DAPP1: variants seen among roughly 807,000 people sequenced by gnomAD.
The protein encoded by DAPP1 is dual adapter for phosphotyrosine and 3-phosphotyrosine and 3-phosphoinositide.
Under a neutral mutation model 41.5 loss-of-function variants are expected in DAPP1, and 20 were observed. That is an observed-to-expected ratio of 0.48 (90% CI 0.34 to 0.70). DAPP1 has a LOEUF of 0.70. Ranked by LOEUF, DAPP1 falls within the 30% of genes least tolerant of loss-of-function variation. DAPP1 has a pLI of 0.01. For synonymous variants in DAPP1, 113 were observed against 116.2 expected (o/e 0.97, Z 0.18); for missense variants, 233 against 333.4 (o/e 0.70, Z 2.35).
At chr4:99,818,317 G>A (rs991458056) in intron 1 of DAPP1, among the ~76,000 whole-genome samples, 2 of 152,156 alleles carry the variant, frequency 1.3e-5, no homozygotes, top group Non-Finnish European at 2.9e-5. Flanking sequence ...GTGTCACCAA[G>A]TCCAAAAGCT....
intron 4 of DAPP1, among the ~76,000 whole-genome samples, chr4:99,853,587 C>G (rs1723944331): frequency 6.6e-6 from 1 of 152,102 alleles, no homozygotes; most frequent in South Asian, 2.1e-4. Flanking sequence ...TTTGGGAGGC[C>G]AAGGTAAGAG....
intron 3 of DAPP1, chr4:99,844,559 C>CA (rs1301122970): frequency 6.6e-6 from 1 of 152,052 alleles, no homozygotes; most frequent in African/African-American, 2.4e-5. Context: ...ATGATTAGAA[C>CA]AAAAAATTAC....
At chr4:99,848,254 G>T (rs575055859) in intron 3 of DAPP1, among the ~76,000 whole-genome samples, 2 of 149,474 alleles carry the variant, frequency 1.3e-5, no homozygotes, top group East Asian at 4.0e-4. Flanking sequence ...TTGTGATGGG[G>T]TCTCACTCTG....
chr4:99,847,828 G>A (rs1282882428), intron 3 of DAPP1, among the ~76,000 whole-genome samples: 1 of 146,724 alleles, frequency 6.8e-6, no homozygotes, highest in Non-Finnish European at 1.5e-5. Flanking sequence ...TTGTTTGTTT[G>A]TTTTGAGACA....
chr4:99,865,997 T>G, intron 7 of DAPP1, 37 bp from the exon 8 acceptor site: 1 of 392,756 alleles, frequency 2.5e-6, no homozygotes, highest in Non-Finnish European at 4.6e-6. Context: ...TAGCTAATGA[T>G]CTGCAATATC....
chr4:99,832,422 AG>A (rs1723157587), intron 1 of DAPP1, among the ~76,000 whole-genome samples: 1 of 152,242 alleles, frequency 6.6e-6, no homozygotes. Context: ...CTCAATTAAA[AG>A]GGGAAGTTTA....
chr4:99,822,089 A>T lies in DAPP1; in HGVS notation c.101+5075A>T, dbSNP rs1722792032. On this transcript the variant is annotated intron_variant, in intron 1 of 8. Coordinates refer to ENST00000512369, the MANE Select transcript of DAPP1 (RefSeq NM_014395.3). ...GAAGGTGGTTCTTCTGTGGTTGTAT[A>T]ATTAGTATGTAACTAGTGTACAGTT... 2.0e-5 allele frequency among the ~76,000 whole-genome samples: 3 copies of T among 152,120 alleles called. No homozygotes were observed. The South Asian group carries it at 6.2e-4, about 32-fold the overall frequency.
chr4:99,866,202 T>C, intron 8 of DAPP1, 81 bp downstream of exon 8: 1 of 802,006 alleles, frequency 1.2e-6, no homozygotes. Flanking sequence ...ATCAAAAGAG[T>C]CAGACTAGAC....
chr4:99,831,995 A>C (rs2162386), intron 1 of DAPP1, among the ~76,000 whole-genome samples: 78,130 of 151,358 alleles, frequency 0.52, 21,220 homozygotes, highest in African/African-American at 0.67. Context: ...AACAGGTTAT[A>C]TTTCAAGGCC....
At chr4:99,858,041 G>A (rs1466175155) in intron 4 of DAPP1, among the ~76,000 whole-genome samples, 1 of 152,180 alleles carries the variant, frequency 6.6e-6, no homozygotes, top group Non-Finnish European at 1.5e-5. Context: ...ATATTTCAGT[G>A]TGTATTTCCA....
At chr4:99,854,315 G>A (rs935140396) in intron 4 of DAPP1, among the ~76,000 whole-genome samples, 1 of 151,844 alleles carries the variant, frequency 6.6e-6, no homozygotes, top group African/African-American at 2.4e-5. Flanking sequence ...GAATACTCCT[G>A]GTATAAGAAA....
At chr4:99,865,170 T>A (rs1259107025) in intron 7 of DAPP1, 1 of 152,192 alleles carries the variant, frequency 6.6e-6, no homozygotes, top group Non-Finnish European at 1.5e-5. Flanking sequence ...TCAACTTTAA[T>A]TGCTGGTATC....
chr4:99,865,957 TTATATATATTATATATA>T (rs1253014410), intron 7 of DAPP1, 60 bp from the exon 8 acceptor site: 1,777 of 68,652 alleles, frequency 0.026, 66 homozygotes, highest in Non-Finnish European at 0.037. Flanking sequence ...ATATATTATA[TTATATATATTATATATA>T]TATATATATA....
chr4:99,828,491 T>C (rs1212689385), intron 1 of DAPP1, among the ~76,000 whole-genome samples: 2 of 152,078 alleles, frequency 1.3e-5, no homozygotes, highest in African/African-American at 2.4e-5. Flanking sequence ...ACAGAACAAA[T>C]GAGGTATAAA....
chr4:99,817,049 G>A (rs1722611318), intron 1 of DAPP1, 35 bp downstream of exon 1: 2 of 1,517,256 alleles, frequency 1.3e-6, no homozygotes, highest in African/African-American at 1.4e-5. Flanking sequence ...AGTACCTAGT[G>A]GGTGGACATT....
chr4:99,839,089 G>A (rs1442456088), intron 2 of DAPP1, among the ~76,000 whole-genome samples: 1 of 152,132 alleles, frequency 6.6e-6, no homozygotes, highest in African/African-American at 2.4e-5. Flanking sequence ...TTGGACTAGG[G>A]CAGCTGTTCT....
chr4:99,833,728 T>C (rs1329223918), intron 1 of DAPP1, among the ~76,000 whole-genome samples: 3 of 152,282 alleles, frequency 2.0e-5, no homozygotes, highest in Admixed American at 1.3e-4. Flanking sequence ...CTGCCTCTGC[T>C]GTCTAGCTTT....
At chr4:99,837,004 T>C (rs535305938) in intron 2 of DAPP1, among the ~76,000 whole-genome samples, 1 of 152,316 alleles carries the variant, frequency 6.6e-6, no homozygotes, top group South Asian at 2.1e-4. Flanking sequence ...CCAGGGGCCA[T>C]TCTCAACTCC....
chr4:99,839,473 G>C (rs1359311373), intron 2 of DAPP1, among the ~76,000 whole-genome samples: 1 of 151,234 alleles, frequency 6.6e-6, no homozygotes, highest in East Asian at 1.9e-4. Flanking sequence ...AGTGGAAAAT[G>C]ACAATGTAGG....
Sources: allele counts gnomAD v4.1 joint callset (sites outside exome capture counted in the v4.1 genomes callset), GRCh38; gene constraint gnomAD v4.1.1; transcripts MANE v1.5; gene names NCBI Gene and HGNC (gene_info 2026-07-23, HGNC 2026-07-21).